The following KCNIP1 variants were observed in gnomAD, a reference collection of about 807,000 sequenced individuals.
The protein encoded by KCNIP1 is potassium voltage-gated channel interacting protein 1.
KCNIP1 carries 18 observed loss-of-function variants against 33.0 expected under a neutral mutation model. The ratio of observed to expected loss-of-function variants is 0.55; its 90% CI spans 0.38 to 0.81. KCNIP1 has a LOEUF of 0.81. Ranked by LOEUF, KCNIP1 falls within the 30% of genes least tolerant of loss-of-function variation. The pLI is 0.00. For synonymous variants in KCNIP1, 93 were observed against 98.3 expected (o/e 0.95, Z 0.32); for missense variants, 238 against 271.6 (o/e 0.88, Z 0.87).
intron 1 of KCNIP1, among the ~76,000 whole-genome samples, chr5:170,695,186 C>G (rs1461985365): frequency 6.6e-6 from 1 of 152,224 alleles, no homozygotes; most frequent in African/African-American, 2.4e-5. Context: ...CCAACATCAG[C>G]AAGTCTGGTG....
intron 1 of KCNIP1, among the ~76,000 whole-genome samples, chr5:170,607,129 G>A (rs1033442781): frequency 4.6e-5 from 7 of 152,272 alleles, no homozygotes; most frequent in Admixed American, 1.3e-4. Context: ...TCCGTCTGTC[G>A]CGCTTCTGTT....
chr5:170,376,560 C>T (rs975393286), intron 1 of KCNIP1: 2 of 152,120 alleles, frequency 1.3e-5, no homozygotes, highest in African/African-American at 4.8e-5. Context: ...TTGTTCCCCT[C>T]TTTGTGTCCA....
At chr5:170,488,175 A>G (rs1757136985) in intron 1 of KCNIP1, among the ~76,000 whole-genome samples, 1 of 152,234 alleles carries the variant, frequency 6.6e-6, no homozygotes, top group Admixed American at 6.5e-5. Context: ...TTCTTAAATT[A>G]TGATTTCAGG....
intron 1 of KCNIP1, among the ~76,000 whole-genome samples, chr5:170,419,998 C>A (rs1755437024): frequency 6.6e-6 from 1 of 152,238 alleles, no homozygotes; most frequent in Non-Finnish European, 1.5e-5. Flanking sequence ...CCAGTGCGAC[C>A]CTTCCCCGCC....
At position 170,733,103 on chromosome 5, in the gene KCNIP1, T is replaced by C. The variant is rs112330413; in HGVS notation, c.540+199T>C. 2.7e-3 allele frequency among the ~76,000 whole-genome samples: 413 copies of C among 152,280 alleles called. 4 individuals carry two copies. Among genetic ancestry groups the C allele is most frequent in the African/African-American group, 8.6e-3 (357 of 41,556 alleles). ...TACATGACAGAAGAGAACAAGAAAG[T>C]ATATTATTAAACGCTAGTGGTATAG... On this transcript the variant is annotated intron_variant, in intron 6 of 7. Coordinates refer to ENST00000328939, the MANE Select transcript of KCNIP1 (RefSeq NM_014592.4).
At chr5:170,553,524 G>A (rs1193759922) in intron 1 of KCNIP1, among the ~76,000 whole-genome samples, 1 of 152,176 alleles carries the variant, frequency 6.6e-6, no homozygotes, top group Non-Finnish European at 1.5e-5. Context: ...GATACCACCT[G>A]CTCTCGGTTG....
intron 1 of KCNIP1, among the ~76,000 whole-genome samples, chr5:170,707,941 A>G (rs1763315422): frequency 6.6e-6 from 1 of 152,192 alleles, no homozygotes; most frequent in South Asian, 2.1e-4. Context: ...TTTGAGTTTT[A>G]TTGAACCGAG....
intron 1 of KCNIP1, among the ~76,000 whole-genome samples, chr5:170,581,493 AGG>A (rs1757793813): frequency 6.6e-6 from 1 of 152,198 alleles, no homozygotes. Flanking sequence ...AAATATTCTG[AGG>A]CCATATCTGG....
At chr5:170,633,069 C>A (rs1488971485) in intron 1 of KCNIP1, among the ~76,000 whole-genome samples, 1 of 152,138 alleles carries the variant, frequency 6.6e-6, no homozygotes, top group Non-Finnish European at 1.5e-5. Flanking sequence ...AGGACATCCT[C>A]CTTTGAGCAG....
intron 4 of KCNIP1, 86 bp from the exon 5 acceptor site, chr5:170,722,627 G>C: frequency 1.1e-6 from 1 of 884,200 alleles, no homozygotes; most frequent in Non-Finnish European, 1.9e-6. Context: ...CATTCTGTGA[G>C]AGTATCACAG....
chr5:170,540,435 AC>A lies in KCNIP1; in HGVS notation c.61+35804del, dbSNP rs770050036. On this transcript the variant is annotated intron_variant, in intron 1 of 7. Coordinates refer to ENST00000328939, the MANE Select transcript of KCNIP1 (RefSeq NM_014592.4). ...AATGAGCCTCGTGATGAGTTATTGC[AC>A]CAACAGCTGTTGCCCAGCCCTGCTA... Among the ~76,000 whole-genome samples, 40 of 152,296 alleles carry A rather than the reference AC, an allele frequency of 2.6e-4. No individual in the cohort carries two copies. The East Asian group carries it at 6.2e-3, about 24-fold the overall frequency.
intron 4 of KCNIP1, among the ~76,000 whole-genome samples, chr5:170,722,511 T>G (rs1252002818): frequency 7.2e-6 from 1 of 139,234 alleles, no homozygotes; most frequent in Non-Finnish European, 1.5e-5. Flanking sequence ...AGGGGGCACC[T>G]TGCAAAAAAA....
intron 1 of KCNIP1, among the ~76,000 whole-genome samples, chr5:170,405,532 G>A (rs192382888): frequency 2.1e-4 from 32 of 152,310 alleles, no homozygotes; most frequent in African/African-American, 7.5e-4. Context: ...CAGCAGCCTG[G>A]ACTCAGGCAT....
chr5:170,527,354 A>G (rs1755618205), intron 1 of KCNIP1, among the ~76,000 whole-genome samples: 1 of 152,184 alleles, frequency 6.6e-6, no homozygotes, highest in African/African-American at 2.4e-5. Context: ...TTAAACTGAG[A>G]CAGGGTACTG....
chr5:170,506,788 C>T (rs1026796707), intron 1 of KCNIP1, among the ~76,000 whole-genome samples: 3 of 152,214 alleles, frequency 2.0e-5, no homozygotes, highest in African/African-American at 7.2e-5. Flanking sequence ...AAGCACTGGG[C>T]ACTCAGCCCT....
At chr5:170,403,481 C>G (rs901949676) in intron 1 of KCNIP1, among the ~76,000 whole-genome samples, 9 of 152,186 alleles carry the variant, frequency 5.9e-5, no homozygotes, top group African/African-American at 9.7e-5. Flanking sequence ...AGGGATGGGG[C>G]TGTAGGCAGC....
At chr5:170,646,429 G>A (rs1340265997) in intron 1 of KCNIP1, among the ~76,000 whole-genome samples, 1 of 152,094 alleles carries the variant, frequency 6.6e-6, no homozygotes, top group Non-Finnish European at 1.5e-5. Flanking sequence ...ATGCAAGGCT[G>A]GTCCAACATT....
chr5:170,686,021 A>T (rs1465113064), intron 1 of KCNIP1, among the ~76,000 whole-genome samples: 2 of 152,148 alleles, frequency 1.3e-5, no homozygotes, highest in Non-Finnish European at 2.9e-5. Context: ...TATTCTACAG[A>T]TCAGGTGAAA....
chr5:170,493,508 G>A (rs1219278561), intron 1 of KCNIP1, among the ~76,000 whole-genome samples: 1 of 152,150 alleles, frequency 6.6e-6, no homozygotes, highest in African/African-American at 2.4e-5. Flanking sequence ...ATCGAGTTAA[G>A]TCACCATGGT....
Sources: allele counts gnomAD v4.1 joint callset (sites outside exome capture counted in the v4.1 genomes callset), GRCh38; gene constraint gnomAD v4.1.1; transcripts MANE v1.5; gene names NCBI Gene and HGNC (gene_info 2026-07-23, HGNC 2026-07-21).